PDE6B: variants seen among roughly 807,000 people sequenced by gnomAD.
The protein encoded by PDE6B is rod cGMP-specific 3',5'-cyclic phosphodiesterase subunit beta.
In PDE6B, 106 loss-of-function variants were observed where a neutral mutation model predicts 109.0. The ratio of observed to expected loss-of-function variants is 0.97; its 90% CI spans 0.83 to 1.14. The LOEUF is 1.14. Ranked by LOEUF, PDE6B falls within the 50% of genes most tolerant of loss-of-function variation. PDE6B has a pLI of 0.00. For missense variants in PDE6B, 1,193 were observed against 1,155.6 expected (o/e 1.03, Z -0.47); for synonymous variants, 490 against 471.3 (o/e 1.04, Z -0.51).
chr4:666,270 G>A lies in PDE6B; in HGVS notation c.2269-261G>A, dbSNP rs560545432. ...GCAGTAAGGGTCCCCAGAGCCAAGA[G>A]GGGGCTGCCCTCAGGGGACCACGGG... On this transcript the variant is annotated intron_variant, in intron 19 of 21. Coordinates refer to ENST00000496514, the MANE Select transcript of PDE6B (RefSeq NM_000283.4). The surrounding 1 kb of genome is among the most constrained non-coding windows in gnomAD (Gnocchi z 5.6). Among the ~76,000 whole-genome samples, 20 of 152,276 alleles carry A rather than the reference G, an allele frequency of 1.3e-4. No homozygotes were observed. The East Asian group carries it at 3.3e-3, about 25-fold the overall frequency.
At position 644,773 on chromosome 4, in the gene PDE6B, G is replaced by A. The variant is rs559060595; in HGVS notation, c.711+8804G>A. On this transcript the variant is annotated intron_variant, in intron 3 of 21. Coordinates refer to ENST00000496514, the MANE Select transcript of PDE6B (RefSeq NM_000283.4). ...TCGAACTCCCAGCCTCAGATGATCC[G>A]CCCACCTCGGCCTCCCAAAGTGCTG... 7.9e-5 allele frequency among the ~76,000 whole-genome samples: 12 copies of A among 151,976 alleles called. No individual in the cohort carries two copies. The East Asian group carries it at 1.4e-3, about 17-fold the overall frequency.
At position 636,456 on chromosome 4, in the gene PDE6B, TAAG is replaced by T. The variant is rs2109138399; in HGVS notation, c.711+488_711+490del. Among the ~76,000 whole-genome samples the T allele has an allele frequency of 6.6e-6, 1 of 151,502 alleles. No homozygotes were observed. Among genetic ancestry groups the T allele is most frequent in the African/African-American group, 2.4e-5 (1 of 41,278 alleles). ...GCTGGGGAGGGAGGCCTGAGGACCT[TAAG>T]GAGTCAGGTGTGCCGAGGTGCGTGG... is the stretch of plus-strand genomic sequence containing the variant. On this transcript the variant is annotated intron_variant, in intron 3 of 21. Coordinates refer to ENST00000496514, the MANE Select transcript of PDE6B (RefSeq NM_000283.4). This position sits in a 1 kb window ranked among gnomAD's most constrained non-coding sequence, Gnocchi z 4.5.
Position 653,987 on chromosome 4 carries a change from GAGA to G in PDE6B, c.850_852del (p.Lys284del). The G allele has an allele frequency of 6.2e-7, 1 of 1,613,862 alleles. No individual in the cohort carries two copies. Among genetic ancestry groups the G allele is most frequent in the Non-Finnish European group, 8.5e-7 (1 of 1,180,040 alleles). On this transcript the variant is annotated inframe_deletion and splice_region_variant, in exon 4 of 22. Coordinates refer to ENST00000496514, the MANE Select transcript of PDE6B (RefSeq NM_000283.4). ...CGTGGGCCTCCTGGACATGACCAAG[GAGA>G]AGGTGAGGCTTCCGTGGCTCAGGGA... is the stretch of plus-strand genomic sequence containing the variant.
At chr4:657,589 TGGTG>T (rs1736452274) in intron 10 of PDE6B, 95 bp downstream of exon 10, 2 of 1,142,140 alleles carry the variant, frequency 1.8e-6, no homozygotes, top group Non-Finnish European at 1.2e-6. Context: ...CTCGGCTGTG[TGGTG>T]GGGGCAGGTC....
chr4:632,329 C>T (rs1734426548), intron 1 of PDE6B, among the ~76,000 whole-genome samples: 1 of 149,868 alleles, frequency 6.7e-6, no homozygotes, highest in Non-Finnish European at 1.5e-5. Flanking sequence ...TGTGTGATGC[C>T]ATCTGAGGAT....
In PDE6B at chr4:636,642, G is replaced by A. The variant is rs544205602; in HGVS notation, c.711+673G>A. Among the ~76,000 whole-genome samples the A allele has an allele frequency of 6.6e-6, 1 of 152,202 alleles. No individual in the cohort carries two copies. The highest frequency in any genetic ancestry group is 1.5e-5 in the Non-Finnish European group (1 of 68,018). On this transcript the variant is annotated intron_variant, in intron 3 of 21. Transcript: ENST00000496514. The surrounding 1 kb of genome is among the most constrained non-coding windows in gnomAD (Gnocchi z 4.5). ...AATGGCCTGGGGGCTGAGCCACAAA[G>A]GAGAACTGTGAAGACGGCGGTCACC...
rs1341116180 is a variant in PDE6B at position 668,105 on chromosome 4, G to A, written c.2503+99G>A. On this transcript the variant is annotated intron_variant, in intron 21 of 21. Transcript: ENST00000496514. ...AGCAGAGTTAAAATGGAGAAAAGCA[G>A]AGCCACTTTCAAGAAGCCTCGAGGT... 13 of 1,247,138 alleles carry A rather than the reference G, an allele frequency of 1.0e-5. No homozygotes were observed. The South Asian group carries it at 1.7e-4, about 16-fold the overall frequency. 77.3% of individuals were successfully genotyped at this position (1,247,138 alleles called of 1,614,324 possible).
At chr4:639,017 C>T (rs1734821806) in intron 3 of PDE6B, among the ~76,000 whole-genome samples, 1 of 152,206 alleles carries the variant, frequency 6.6e-6, no homozygotes, top group Non-Finnish European at 1.5e-5. Flanking sequence ...GGGGTAGCTC[C>T]TAGCTCTTCA....
chr4:630,831 A>C (rs1055017162), intron 1 of PDE6B, among the ~76,000 whole-genome samples: 1 of 152,210 alleles, frequency 6.6e-6, no homozygotes, highest in Admixed American at 6.5e-5. Flanking sequence ...CTGCAGTCAC[A>C]AAGCCTCAGC....
Position 650,830 on chromosome 4 carries a change from C to T in PDE6B, c.712-3022C>T, listed in dbSNP as rs984102369. 7.9e-5 allele frequency among the ~76,000 whole-genome samples: 12 copies of T among 152,164 alleles called. No individual in the cohort carries two copies. The South Asian group carries it at 1.7e-3, about 21-fold the overall frequency. ...GGGGCACAGAGGAATGCCCTGAGCC[C>T]GAGCCGGCAGCGAAAATCCACCCGC... On this transcript the variant is annotated intron_variant, in intron 3 of 21. Coordinates refer to ENST00000496514, the MANE Select transcript of PDE6B (RefSeq NM_000283.4).
At chr4:647,952 A>G (rs28504161) in intron 3 of PDE6B, among the ~76,000 whole-genome samples, 27,652 of 151,750 alleles carry the variant, frequency 0.18, 3,382 homozygotes, top group African/African-American at 0.32. Flanking sequence ...GTGCATGCCT[A>G]TAACCCCAGC....
At chr4:651,310 C>G (rs552652708) in intron 3 of PDE6B, among the ~76,000 whole-genome samples, 57 of 151,386 alleles carry the variant, frequency 3.8e-4, no homozygotes, top group African/African-American at 1.4e-3. Context: ...GGGGCTGACC[C>G]GTGGGGTCAG....
intron 3 of PDE6B, among the ~76,000 whole-genome samples, chr4:649,428 C>T (rs1486804166): frequency 5.3e-5 from 8 of 152,092 alleles, no homozygotes; most frequent in Non-Finnish European, 7.4e-5. Context: ...AAACAAGGCT[C>T]CTGGGGCTGG....
chr4:632,268 C>T (rs1307538197), intron 1 of PDE6B, among the ~76,000 whole-genome samples: 1 of 150,502 alleles, frequency 6.6e-6, no homozygotes, highest in East Asian at 2.0e-4. Flanking sequence ...GTGGCACTGT[C>T]TGGGGGTCAC....
In PDE6B at chr4:636,843, G is replaced by A. The variant is rs768599604; in HGVS notation, c.711+874G>A. Among the ~76,000 whole-genome samples, 2 of 152,228 alleles carry A rather than the reference G, an allele frequency of 1.3e-5. No individual in the cohort carries two copies. The highest frequency in any genetic ancestry group is 4.8e-5 in the African/African-American group (2 of 41,462). On this transcript the variant is annotated intron_variant, in intron 3 of 21. Transcript: ENST00000496514. The surrounding 1 kb of genome is among the most constrained non-coding windows in gnomAD (Gnocchi z 4.5). ...TGCCTCAGGGGCAGTCTGGAAAGGCGGTCAGGGCCCCTGGGGCATCCAGCC... is the reference window on the plus strand; with the variant it reads ...TGCCTCAGGGGCAGTCTGGAAAGGCAGTCAGGGCCCCTGGGGCATCCAGCC...
chr4:634,665 C>G lies in PDE6B; in HGVS notation c.469-12C>G, dbSNP rs767823676. On this transcript the variant is annotated splice_polypyrimidine_tract_variant and intron_variant, in intron 1 of 21. Transcript: ENST00000496514. Reference sequence around the variant, plus strand: ...CGACAGCCTCTTTAGCCTCTTTCCTCTCTTGCGGCAGTGCCCTCACTTCAG... The same window carrying G: ...CGACAGCCTCTTTAGCCTCTTTCCTGTCTTGCGGCAGTGCCCTCACTTCAG... 7 of 1,610,408 alleles carry G rather than the reference C, an allele frequency of 4.3e-6. No homozygotes were observed. The African/African-American group carries it at 6.7e-5, about 15-fold the overall frequency.
chr4:628,789 G>A (rs762880890), intron 1 of PDE6B, among the ~76,000 whole-genome samples: 10 of 152,220 alleles, frequency 6.6e-5, no homozygotes, highest in South Asian at 2.1e-4. Flanking sequence ...GCCAGGCCAC[G>A]TGGGACCAGC....
In PDE6B at chr4:657,964, G is replaced by A. The variant is rs546112036; in HGVS notation, c.1401+470G>A. ...TTGAGGGGTCACAGGGGTCATGGCT[G>A]TGCAGCAGAGGCAGGTCATCCAGGG... On this transcript the variant is annotated intron_variant, in intron 10 of 21. Coordinates refer to ENST00000496514, the MANE Select transcript of PDE6B (RefSeq NM_000283.4). 2.8e-5 allele frequency among the ~76,000 whole-genome samples: 4 copies of A among 144,252 alleles called. No individual in the cohort carries two copies. In the East Asian group the frequency reaches 8.6e-4, roughly 31 times the overall value. The allele number at this position is 144,252 out of a possible 152,430, so 94.6% of individuals were successfully genotyped here.
intron 6 of PDE6B, 57 bp downstream of exon 6, chr4:654,945 C>T (rs1254128612): frequency 1.8e-5 from 18 of 997,404 alleles, no homozygotes; most frequent in South Asian, 7.6e-5. Flanking sequence ...CCTCAGACCC[C>T]GGCTCAGCCC....
Sources: gnomAD v4.1 joint callset for allele counts (sites outside exome capture counted in the v4.1 genomes callset) on GRCh38, gnomAD v4.1.1 for gene constraint, Gnocchi (gnomAD v3.1) non-coding constraint, MANE v1.5 for transcripts, NCBI Gene and HGNC (gene_info 2026-07-23, HGNC 2026-07-21) for gene names.